The following IL4I1 variants were observed in gnomAD, a reference collection of about 807,000 sequenced individuals.
The protein encoded by IL4I1 is interleukin 4 induced 1, also known as L-amino-acid oxidase.
IL4I1 carries 24 observed loss-of-function variants against 29.7 expected under a neutral mutation model. The ratio of observed to expected loss-of-function variants is 0.81; its 90% CI spans 0.59 to 1.14. The LOEUF (loss-of-function observed/expected upper bound fraction) is 1.14, where lower values mean the gene tolerates loss of function less well. Among genes scored for constraint, IL4I1 ranks in the 50% most tolerant of loss-of-function variants. The probability of loss-of-function intolerance (pLI) is 0.00; values close to 1 mark genes in which losing one functional copy is unlikely to be tolerated. For missense variants in IL4I1, 686 were observed against 785.6 expected (o/e 0.87, Z 1.52); for synonymous variants, 371 against 352.5 (o/e 1.05, Z -0.59).
intron 5 of IL4I1, among the ~76,000 whole-genome samples, chr19:49,892,320 G>A (rs2075150256): frequency 6.6e-6 from 1 of 152,118 alleles, no homozygotes; most frequent in African/African-American, 2.4e-5. Flanking sequence ...GACCTCAAGT[G>A]ATCTGCCTGC....
intron 3 of IL4I1, 107 bp downstream of exon 3, chr19:49,895,708 T>G: frequency 2.1e-6 from 1 of 483,708 alleles, no homozygotes; most frequent in Non-Finnish European, 4.1e-6. Flanking sequence ...TCCCCCCACA[T>G]CCCCACCTCC....
chr19:49,897,487 C>T (rs545930155), upstream of IL4I1, among the ~76,000 whole-genome samples: 4 of 128,612 alleles, frequency 3.1e-5, no homozygotes, highest in Non-Finnish European at 6.7e-5. Flanking sequence ...CGTCTACAGA[C>T]GTCACAGTGT....
rs2075115407 is a variant in IL4I1, at chr19:49,890,322, G to C, written c.1052C>G (p.Pro351Arg). 1.9e-6 allele frequency: 3 copies of C among 1,607,102 alleles called. No individual in the cohort carries two copies. The highest frequency in any genetic ancestry group is 1.1e-5 in the South Asian group (1 of 90,344). ...QEALRRLHYV[P>R]ATKVFLSFRR... ...GAAGCTTAGGAACACCTTGGTGGCC[G>C]GCACGTAGTGCAGCCTCCGCAGCGC... The change falls in exon 8 of 8, where the codon CCG becomes CGG. Residue 351 changes from proline to arginine, a missense_variant. Transcript: ENST00000391826.
At chr19:49,915,953 C>T (rs1281692688) in intron 2 of IL4I1, among the ~76,000 whole-genome samples, 1 of 152,218 alleles carries the variant, frequency 6.6e-6, no homozygotes, top group African/African-American at 2.4e-5. Context: ...GCCAGATTTC[C>T]GTTTGTTCCC....
chr19:49,893,443 G>A (rs750492008), intron 5 of IL4I1, among the ~76,000 whole-genome samples: 56 of 152,062 alleles, frequency 3.7e-4, no homozygotes, highest in Non-Finnish European at 7.2e-4. Flanking sequence ...CGTGACTGCG[G>A]GATGGTGGGG....
intron 2 of IL4I1, chr19:49,917,940 A>C (rs1047231203): frequency 6.6e-6 from 1 of 152,284 alleles, no homozygotes; most frequent in Non-Finnish European, 1.5e-5. Context: ...GCTGAGGCGG[A>C]GGTTGCAGTG....
At chr19:49,890,942 C>CA (rs1189856038) in intron 7 of IL4I1, 29 bp downstream of exon 7, 3 of 535,784 alleles carry the variant, frequency 5.6e-6, no homozygotes, top group South Asian at 3.2e-5. Context: ...CCCCGCCCCC[C>CA]CCCCCTGCCC....
chr19:49,924,753 G>A, intron 2 of IL4I1, among the ~76,000 whole-genome samples: 1 of 152,218 alleles, frequency 6.6e-6, no homozygotes, highest in Admixed American at 6.5e-5. Flanking sequence ...GGCTGGGAGG[G>A]GCTGGAGAGC....
intron 2 of IL4I1, chr19:49,904,361 G>A (rs1194933080): frequency 6.6e-6 from 1 of 152,182 alleles, no homozygotes; most frequent in Non-Finnish European, 1.5e-5. Flanking sequence ...GCCATCACCC[G>A]CGGTGGCACC....
chr19:49,914,947 C>A (rs1443998784), intron 2 of IL4I1, among the ~76,000 whole-genome samples: 1 of 151,706 alleles, frequency 6.6e-6, no homozygotes, highest in African/African-American at 2.4e-5. Flanking sequence ...ACCATGTTAG[C>A]CGGGCTGGTC....
At chr19:49,891,160 G>C in intron 6 of IL4I1, 53 bp from the exon 7 acceptor site, 1 of 1,590,766 alleles carries the variant, frequency 6.3e-7, no homozygotes, top group East Asian at 2.2e-5. Flanking sequence ...GCACCCCTGA[G>C]AGAGCCCCTC....
Position 49,894,276 on chromosome 19 carries a change from G to A in IL4I1, c.559C>T (p.Leu187Phe), listed in dbSNP as rs1257428189. The change falls in exon 5 of 8, where the codon CTC becomes TTC. Residue 187 changes from leucine (L) to phenylalanine (F), a missense_variant. Leu to Phe is a conservative substitution (Grantham distance 22, BLOSUM62 0). Transcript: ENST00000391826. ...HSPEDIYQMA[L>F]NQALKDLKAL... ...GTGCAGGCGGTACCCACCTGGTTGAGAGCCATCTGGTAGATGTCTTCGGGC... is the reference window on the plus strand; with the variant it reads ...GTGCAGGCGGTACCCACCTGGTTGAAAGCCATCTGGTAGATGTCTTCGGGC... 1 of 1,613,582 alleles carries A rather than the reference G, an allele frequency of 6.2e-7. No individual in the cohort carries two copies. The highest frequency in any genetic ancestry group is 8.5e-7 in the Non-Finnish European group (1 of 1,179,840).
chr19:49,914,166 A>C (rs925910789), intron 2 of IL4I1, among the ~76,000 whole-genome samples: 2 of 152,208 alleles, frequency 1.3e-5, no homozygotes, highest in Non-Finnish European at 2.9e-5. Flanking sequence ...AACAAAAAAC[A>C]AAAAGCCACA....
chr19:49,893,431 C>T (rs1358913234), intron 5 of IL4I1, among the ~76,000 whole-genome samples: 4 of 151,820 alleles, frequency 2.6e-5, no homozygotes, highest in African/African-American at 9.7e-5. Flanking sequence ...TAGGGGTCTG[C>T]CCGTGACTGC....
At chr19:49,924,465 G>A (rs755562209) in intron 2 of IL4I1, among the ~76,000 whole-genome samples, 11 of 152,088 alleles carry the variant, frequency 7.2e-5, no homozygotes, top group African/African-American at 1.4e-4. Context: ...CCCCGTCCCC[G>A]TCAAACAGCC....
intron 2 of IL4I1, among the ~76,000 whole-genome samples, chr19:49,912,591 A>T (rs1199314310): frequency 1.3e-5 from 2 of 151,190 alleles, no homozygotes; most frequent in Non-Finnish European, 2.9e-5. Flanking sequence ...TGGCCAGGTG[A>T]GGTGGCTCAC....
intron 2 of IL4I1, chr19:49,918,652 T>C (rs941907191): frequency 1.3e-5 from 2 of 151,690 alleles, no homozygotes; most frequent in Admixed American, 6.6e-5. Context: ...AGGGTGTGTG[T>C]GGCTGTGTGT....
chr19:49,917,584 T>C (rs1187391187), intron 2 of IL4I1: 1 of 152,188 alleles, frequency 6.6e-6, no homozygotes, highest in Non-Finnish European at 1.5e-5. Flanking sequence ...GGTCAGGGTC[T>C]GGGTTATGTT....
At chr19:49,929,170 A>G (rs1152232) in intron 1 of IL4I1, 32,062 of 147,710 alleles carry the variant, frequency 0.22, 3,516 homozygotes, top group Middle Eastern at 0.26. Flanking sequence ...TCCGCCACCC[A>G]GTATATATCT....
Sources: gnomAD v4.1 joint callset for allele counts (sites outside exome capture counted in the v4.1 genomes callset) on GRCh38, gnomAD v4.1.1 for gene constraint, MANE v1.5 for transcripts, NCBI Gene and HGNC (gene_info 2026-07-23, HGNC 2026-07-21) for gene names.